The following PRICKLE2 variants were observed in gnomAD, a reference collection of about 807,000 sequenced individuals.
PRICKLE2 encodes the protein prickle-like protein 2.
In PRICKLE2, 21 loss-of-function variants were observed where a neutral mutation model predicts 81.4. That is an observed-to-expected ratio of 0.26 (90% CI 0.18 to 0.37). The LOEUF is 0.37. Among genes scored for constraint, PRICKLE2 ranks in the 10% least tolerant of loss-of-function variants. The pLI is 1.00. For missense variants in PRICKLE2, 940 were observed against 1,109.0 expected (o/e 0.85, Z 2.16); for synonymous variants, 456 against 421.5 (o/e 1.08, Z -1.00).
rs771168722 is a variant in PRICKLE2, at chr3:64,147,442, G to A, written c.1048C>T (p.Pro350Ser). The change falls in exon 7 of 8, where the codon CCC becomes TCC. Residue 350 changes from proline (P) to serine (S), a missense_variant. Around this residue, in one of 2 missense-constraint regions of PRICKLE2, gnomAD observed 670 missense variants for 717.2 expected, o/e 0.93. Transcript: ENST00000638394. This position sits in a 1 kb window ranked among gnomAD's most constrained non-coding sequence, Gnocchi z 5.0. The stretch of plus-strand genomic sequence containing the variant: ...AGCTGGCTGTGCTGGTTCAGCATGG[G>A]CTCCTCCGTCTTGCCCTTGTTCTTG... ...IGKNKGKTEE[P>S]MLNQHSQLQV... The A allele has an allele frequency of 2.7e-5, 44 of 1,614,136 alleles. No individual in the cohort carries two copies. The Admixed American group carries it at 7.2e-4, about 26-fold the overall frequency.
At chr3:64,198,697 C>G in intron 2 of PRICKLE2, 87 bp downstream of exon 2, 1 of 1,421,590 alleles carries the variant, frequency 7.0e-7, no homozygotes, top group South Asian at 1.1e-5. Context: ...GCAAAGTCTA[C>G]TCTTCCTACA....
At chr3:64,232,957 T>C (rs2079127267) in intron 2 of PRICKLE2, among the ~76,000 whole-genome samples, 1 of 152,192 alleles carries the variant, frequency 6.6e-6, no homozygotes, top group African/African-American at 2.4e-5. Context: ...TTTTTGCAAA[T>C]ACTTTTATTG....
chr3:64,181,332 G>C (rs1055312255), intron 2 of PRICKLE2, among the ~76,000 whole-genome samples: 4 of 152,064 alleles, frequency 2.6e-5, no homozygotes, highest in African/African-American at 9.7e-5. Flanking sequence ...CAAAAAAGCA[G>C]TTCTGGCAGG....
rs1248829595 is a variant in PRICKLE2, at chr3:64,099,349, C to A, written c.2237G>T (p.Gly746Val). The change falls in exon 8 of 8, where the codon GGC becomes GTC. Residue 746 changes from glycine to valine, a missense_variant. This residue lies in a region of PRICKLE2 where 670 missense variants were observed against 717.2 expected (regional missense o/e 0.93). Transcript: ENST00000638394. This position sits in a 1 kb window ranked among gnomAD's most constrained non-coding sequence, Gnocchi z 4.3. ...GTCCGACACAGTCCTAGGGCACTGG[C>A]CGTACAGGTCCCTCCGGGACCCATG... is the stretch of plus-strand genomic sequence containing the variant. ...MGHGSRRDLY[G>V]QCPRTVSDLA... 4 of 1,614,112 alleles carry A rather than the reference C, an allele frequency of 2.5e-6. No individual in the cohort carries two copies. The highest frequency in any genetic ancestry group is 3.4e-6 in the Non-Finnish European group (4 of 1,179,948).
intron 1 of PRICKLE2, among the ~76,000 whole-genome samples, chr3:64,214,279 GC>G (rs1254404209): frequency 6.6e-6 from 1 of 152,166 alleles, no homozygotes; most frequent in East Asian, 1.9e-4. Context: ...AGCAAAGGAG[GC>G]CAGAGGCTCC....
At chr3:64,109,149 G>A (rs547896914) in intron 7 of PRICKLE2, among the ~76,000 whole-genome samples, 4 of 152,252 alleles carry the variant, frequency 2.6e-5, no homozygotes, top group South Asian at 2.1e-4. Context: ...CAGGAGCCTC[G>A]TCACGATGGG....
intron 2 of PRICKLE2, chr3:64,163,424 G>C (rs1447073337): frequency 2.2e-6 from 1 of 458,530 alleles, no homozygotes; most frequent in Non-Finnish European, 4.0e-6. Flanking sequence ...TGAACCAGAG[G>C]GTAGGGCTTT....
rs753319675 is a variant in PRICKLE2 at position 64,147,712 on chromosome 3, TGA to T, written c.788-12_788-11del. ...TGACCTTGGTCGATACCTAAAAAAA[TGA>T]GAGACATTGGAGAGGCTGATGAGCT... On this transcript the variant is annotated splice_polypyrimidine_tract_variant and intron_variant, in intron 6 of 7. Coordinates refer to ENST00000638394, the MANE Select transcript of PRICKLE2 (RefSeq NM_198859.4). This position sits in a 1 kb window ranked among gnomAD's most constrained non-coding sequence, Gnocchi z 5.0. 4.3e-6 allele frequency: 7 copies of T among 1,613,242 alleles called. No individual in the cohort carries two copies. Among genetic ancestry groups the T allele is most frequent in the Admixed American group, 1.7e-5 (1 of 60,010 alleles).
chr3:64,155,924 A>AGAGACCATTTTC (rs368505889), intron 5 of PRICKLE2, among the ~76,000 whole-genome samples: 51 of 152,310 alleles, frequency 3.3e-4, no homozygotes, highest in Middle Eastern at 6.8e-3. Flanking sequence ...AGTTGATGAA[A>AGAGACCATTTTC]ATGGTCTGGA....
At chr3:64,159,794 G>T in intron 4 of PRICKLE2, 146 bp downstream of exon 4, 2 of 1,014,732 alleles carry the variant, frequency 2.0e-6, no homozygotes, top group Non-Finnish European at 1.5e-6. Flanking sequence ...CAACTCCTTA[G>T]AAGGGCAAGA....
chr3:64,176,233 G>C (rs1435998446), intron 2 of PRICKLE2, among the ~76,000 whole-genome samples: 5 of 152,162 alleles, frequency 3.3e-5, no homozygotes, highest in African/African-American at 1.2e-4. Flanking sequence ...AATACAATCA[G>C]GTTCCGTTAT....
intron 1 of PRICKLE2, among the ~76,000 whole-genome samples, chr3:64,203,020 A>G (rs971581373): frequency 6.6e-6 from 1 of 152,232 alleles, no homozygotes; most frequent in African/African-American, 2.4e-5. Flanking sequence ...CAAGATGATT[A>G]GTTATTTTAT....
intron 2 of PRICKLE2, among the ~76,000 whole-genome samples, chr3:64,195,217 T>C (rs1481889992): frequency 6.6e-6 from 1 of 152,184 alleles, no homozygotes; most frequent in Non-Finnish European, 1.5e-5. Flanking sequence ...ACAAGATAAA[T>C]GCCTTTCCTT....
chr3:64,133,550 G>A (rs1160446861), intron 7 of PRICKLE2, among the ~76,000 whole-genome samples: 1 of 151,986 alleles, frequency 6.6e-6, no homozygotes, highest in Non-Finnish European at 1.5e-5. Flanking sequence ...CTAAGCTGTG[G>A]CAAATGGGAA....
chr3:64,221,078 C>T (rs938411070), intron 1 of PRICKLE2, among the ~76,000 whole-genome samples: 3 of 149,940 alleles, frequency 2.0e-5, no homozygotes, highest in Admixed American at 6.7e-5. Context: ...ACAGAGTTGC[C>T]TTCTGAGTTG....
At chr3:64,202,996 T>A (rs2078616540) in intron 1 of PRICKLE2, among the ~76,000 whole-genome samples, 1 of 152,222 alleles carries the variant, frequency 6.6e-6, no homozygotes, top group Non-Finnish European at 1.5e-5. Flanking sequence ...GTCAAATGCA[T>A]TTTCTGCATC....
chr3:64,161,080 C>A (rs1220466794), intron 3 of PRICKLE2, among the ~76,000 whole-genome samples: 2 of 152,002 alleles, frequency 1.3e-5, no homozygotes, highest in Non-Finnish European at 2.9e-5. Flanking sequence ...AAACAGAGAT[C>A]CCTGACGCTC....
At chr3:64,120,363 T>A (rs894511553) in intron 7 of PRICKLE2, among the ~76,000 whole-genome samples, 1 of 152,214 alleles carries the variant, frequency 6.6e-6, no homozygotes, top group African/African-American at 2.4e-5. Flanking sequence ...TAAAATGCAC[T>A]GGTGCTTCCG....
chr3:64,249,217 C>T (rs188800450), intron 2 of PRICKLE2, among the ~76,000 whole-genome samples: 1 of 152,200 alleles, frequency 6.6e-6, no homozygotes, highest in Admixed American at 6.5e-5. Context: ...AACCAAGCAC[C>T]TCTTACCATG....
Sources: allele counts gnomAD v4.1 joint callset (sites outside exome capture counted in the v4.1 genomes callset), GRCh38; gene constraint gnomAD v4.1.1; regional missense constraint gnomAD v4.1.1; non-coding constraint Gnocchi (gnomAD v3.1); transcripts MANE v1.5; gene names NCBI Gene and HGNC (gene_info 2026-07-23, HGNC 2026-07-21).